CAPZB: variants seen among roughly 807,000 people sequenced by gnomAD.
The protein encoded by CAPZB is F-actin-capping protein subunit beta.
Under a neutral mutation model 38.1 loss-of-function variants are expected in CAPZB, and 2 were observed. That is an observed-to-expected ratio of 0.05 (90% CI 0.02 to 0.17). The LOEUF (loss-of-function observed/expected upper bound fraction) is 0.17. Ranked by LOEUF, CAPZB falls within the 10% of genes least tolerant of loss-of-function variation. The pLI, the probability that CAPZB is intolerant of heterozygous loss-of-function variation, is 1.00. For synonymous variants in CAPZB, 107 were observed against 127.4 expected (o/e 0.84, Z 1.08); for missense variants, 161 against 334.2 (o/e 0.48, Z 4.04).
intron 4 of CAPZB, among the ~76,000 whole-genome samples, chr1:19,369,598 A>C (rs2094109296): frequency 6.6e-6 from 1 of 152,242 alleles, no homozygotes; most frequent in South Asian, 2.1e-4. Flanking sequence ...ACATGCCAGA[A>C]GCCAGAGACG....
At chr1:19,348,793 C>G (rs924575536) in intron 6 of CAPZB, among the ~76,000 whole-genome samples, 1 of 151,170 alleles carries the variant, frequency 6.6e-6, no homozygotes, top group East Asian at 1.9e-4. Context: ...GGCAACAGTC[C>G]AGAACCTGCT....
chr1:19,406,621 C>T (rs1256991900), intron 2 of CAPZB, among the ~76,000 whole-genome samples: 1 of 152,148 alleles, frequency 6.6e-6, no homozygotes. Flanking sequence ...ACGGGTAGAT[C>T]CCAACTCTGC....
chr1:19,388,757 G>T (rs917681104), intron 2 of CAPZB, among the ~76,000 whole-genome samples: 3 of 152,244 alleles, frequency 2.0e-5, no homozygotes, highest in African/African-American at 7.2e-5. Context: ...CGGAACCTTA[G>T]GCAAAGCCCA....
chr1:19,404,932 G>T (rs1412242965), intron 2 of CAPZB, among the ~76,000 whole-genome samples: 1 of 152,142 alleles, frequency 6.6e-6, no homozygotes, highest in Admixed American at 6.5e-5. Flanking sequence ...GGAAACTGAG[G>T]CCTGGAGTCT....
chr1:19,431,040 G>T (rs974906038), intron 1 of CAPZB, among the ~76,000 whole-genome samples: 1 of 152,138 alleles, frequency 6.6e-6, no homozygotes, highest in Non-Finnish European at 1.5e-5. Flanking sequence ...CACTAAAGGG[G>T]ACCCTAGAAA....
intron 4 of CAPZB, among the ~76,000 whole-genome samples, chr1:19,366,314 A>ATATAT (rs1176738810): frequency 3.6e-5 from 5 of 140,520 alleles, no homozygotes; most frequent in African/African-American, 1.4e-4. Context: ...ATATATAAAT[A>ATATAT]AAATAAATGG....
At chr1:19,462,296 CA>C (rs34989207) in intron 1 of CAPZB, among the ~76,000 whole-genome samples, 43,760 of 148,136 alleles carry the variant, frequency 0.3, 6,382 homozygotes, top group Admixed American at 0.33. Flanking sequence ...ACTAAAAATA[CA>C]AAAAAAAAAA....
chr1:19,424,835 C>A (rs2094416556), intron 1 of CAPZB, among the ~76,000 whole-genome samples: 1 of 152,230 alleles, frequency 6.6e-6, no homozygotes, highest in Admixed American at 6.5e-5. Context: ...CTGGATTTGG[C>A]CGCTTGCAGG....
At chr1:19,448,467 A>G (rs1319749056) in intron 1 of CAPZB, among the ~76,000 whole-genome samples, 1 of 152,226 alleles carries the variant, frequency 6.6e-6, no homozygotes, top group African/African-American at 2.4e-5. Context: ...CCAGAGGTAA[A>G]AACTCACAAG....
At chr1:19,353,756 G>A (rs2094004666) in intron 6 of CAPZB, among the ~76,000 whole-genome samples, 1 of 152,236 alleles carries the variant, frequency 6.6e-6, no homozygotes, top group Non-Finnish European at 1.5e-5. Flanking sequence ...ACACCCCAGT[G>A]GCCAAGTGGC....
intron 6 of CAPZB, among the ~76,000 whole-genome samples, chr1:19,348,143 A>T (rs1449102216): frequency 6.6e-6 from 1 of 152,116 alleles, no homozygotes; most frequent in Non-Finnish European, 1.5e-5. Flanking sequence ...TTCCCACCCC[A>T]TCGCGTGATG....
chr1:19,414,868 C>A (rs1358643889), intron 2 of CAPZB, among the ~76,000 whole-genome samples: 1 of 152,232 alleles, frequency 6.6e-6, no homozygotes, highest in Admixed American at 6.5e-5. Context: ...TGGATTCACT[C>A]TAGCACAATG....
chr1:19,439,067 A>G (rs1056157671), intron 1 of CAPZB, among the ~76,000 whole-genome samples: 1 of 152,236 alleles, frequency 6.6e-6, no homozygotes, highest in Non-Finnish European at 1.5e-5. Context: ...CCATGGCTAC[A>G]AGCGTTCAGG....
intron 1 of CAPZB, among the ~76,000 whole-genome samples, chr1:19,472,013 T>G (rs2094590315): frequency 6.6e-6 from 1 of 152,066 alleles, no homozygotes; most frequent in African/African-American, 2.4e-5. Flanking sequence ...GTGCTCTCCA[T>G]CTGGAATACA....
At chr1:19,431,979 G>A (rs2094443324) in intron 1 of CAPZB, among the ~76,000 whole-genome samples, 1 of 150,042 alleles carries the variant, frequency 6.7e-6, no homozygotes, top group Non-Finnish European at 1.5e-5. Context: ...TCGGGAGGCT[G>A]GGGCGGAAAG....
At chr1:19,346,478 A>G (rs12748939) in intron 6 of CAPZB, among the ~76,000 whole-genome samples, 1 of 144,706 alleles carries the variant, frequency 6.9e-6, no homozygotes, top group Non-Finnish European at 1.5e-5. Context: ...AAAAAAAAAA[A>G]GAAAGGGTAG....
intron 6 of CAPZB, among the ~76,000 whole-genome samples, chr1:19,346,056 C>A (rs1253783605): frequency 6.6e-6 from 1 of 152,090 alleles, no homozygotes; most frequent in Non-Finnish European, 1.5e-5. Context: ...GGCACTTTCC[C>A]CCGAATTTTT....
At chr1:19,478,100 T>G (rs1404579926) in intron 1 of CAPZB, among the ~76,000 whole-genome samples, 1 of 152,196 alleles carries the variant, frequency 6.6e-6, no homozygotes, top group Non-Finnish European at 1.5e-5. Context: ...TGGTAACAAC[T>G]GCTTCCAAGC....
chr1:19,417,573 T>C (rs139326052), intron 2 of CAPZB, among the ~76,000 whole-genome samples: 3 of 152,296 alleles, frequency 2.0e-5, no homozygotes, highest in African/African-American at 4.8e-5. Context: ...AGTTTAAATA[T>C]GGCTGCGCAT....
Sources: gnomAD v4.1 joint callset for allele counts (sites outside exome capture counted in the v4.1 genomes callset) on GRCh38, gnomAD v4.1.1 for gene constraint, MANE v1.5 for transcripts, NCBI Gene and HGNC (gene_info 2026-07-23, HGNC 2026-07-21) for gene names.